Variants in LLGL2 observed in about 807,000 individuals in gnomAD.
LLGL2 encodes LLGL scribble cell polarity complex component 2.
A neutral mutation model predicts 123.2 loss-of-function variants in LLGL2; 81 were observed. The observed-to-expected ratio is 0.66, with a 90% confidence interval of 0.55 to 0.79. The LOEUF (loss-of-function observed/expected upper bound fraction) is 0.79, where lower values mean the gene tolerates loss of function less well. Ranked by LOEUF, LLGL2 falls within the 30% of genes least tolerant of loss-of-function variation. LLGL2 has a pLI of 0.00. For synonymous variants in LLGL2, 577 were observed against 594.1 expected, an observed-to-expected ratio of 0.97 and a Z score of 0.42; for missense variants, 1,273 against 1,414.6, an observed-to-expected ratio of 0.90 and a Z score of 1.61.
intron 6 of LLGL2, among the ~76,000 whole-genome samples, chr17:75,561,724 C>T (rs371950118): frequency 6.6e-6 from 1 of 152,102 alleles, no homozygotes; most frequent in Non-Finnish European, 1.5e-5. Flanking sequence ...AGTTCGAGAC[C>T]AGCTTGGGCA....
At chr17:75,571,469 T>A in intron 17 of LLGL2, 198 bp from the exon 18 acceptor site, 1 of 595,784 alleles carries the variant, frequency 1.7e-6, no homozygotes, top group East Asian at 2.8e-5. Context: ...TGTCTCTCCC[T>A]GGCTGGTTCT....
intron 1 of LLGL2, among the ~76,000 whole-genome samples, chr17:75,537,182 T>A (rs1568021815): frequency 6.6e-6 from 1 of 152,096 alleles, no homozygotes; most frequent in African/African-American, 2.4e-5. Flanking sequence ...ACTTCACCCA[T>A]CCCCTGTTGT....
chr17:75,530,353 A>G (rs530635631), intron 1 of LLGL2, among the ~76,000 whole-genome samples: 1 of 152,226 alleles, frequency 6.6e-6, no homozygotes, highest in South Asian at 2.1e-4. Context: ...TTTTTTTAAA[A>G]AATTAGCTGG....
Position 75,552,136 on chromosome 17 carries a change from A to C in LLGL2, c.76-3910A>C, listed in dbSNP as rs149855459. On this transcript the variant is annotated intron_variant, in intron 2 of 25. Coordinates refer to ENST00000392550, the MANE Select transcript of LLGL2 (RefSeq NM_001031803.2). ...GAGGGAGACTCTGTCTTTAAAAAAA[A>C]AGTCTAGAAGCTGCATTATGAAATT... Among the ~76,000 whole-genome samples the C allele has an allele frequency of 3.7e-3, 559 of 151,406 alleles. 5 individuals are homozygous for C. The highest frequency in any genetic ancestry group is 0.013 in the African/African-American group (522 of 41,376).
intron 10 of LLGL2, 89 bp from the exon 11 acceptor site, chr17:75,568,387 G>A (rs1320287961): frequency 1.5e-5 from 22 of 1,499,012 alleles, no homozygotes; most frequent in Non-Finnish European, 1.9e-5. Flanking sequence ...ATCTGCAGAT[G>A]CCCTGGCTCC....
chr17:75,532,397 C>T (rs1313269557), intron 1 of LLGL2: 1 of 151,816 alleles, frequency 6.6e-6, no homozygotes, highest in African/African-American at 2.4e-5. Flanking sequence ...ATTACAGGCG[C>T]CCGCCACCAC....
At chr17:75,536,777 C>G (rs1216749491) in intron 1 of LLGL2, among the ~76,000 whole-genome samples, 2 of 152,184 alleles carry the variant, frequency 1.3e-5, no homozygotes, top group African/African-American at 4.8e-5. Context: ...CTCTTGGATT[C>G]TTTGTACATA....
intron 1 of LLGL2, among the ~76,000 whole-genome samples, chr17:75,529,140 A>G (rs1168629017): frequency 3.3e-5 from 1 of 30,748 alleles, no homozygotes; most frequent in African/African-American, 4.5e-4. Context: ...TGGGCAATAG[A>G]GTGAGACTGT....
rs1200740705 is a variant in LLGL2 at position 75,574,253 on chromosome 17, T to C, written c.2946T>C (p.Ser982=). The C allele has an allele frequency of 6.7e-7, 1 of 1,502,352 alleles. No homozygotes were observed. The highest frequency in any genetic ancestry group is 2.3e-5 in the Admixed American group (1 of 43,576). The allele number at this position is 1,502,352 out of a possible 1,614,324, so 93.1% of individuals were successfully genotyped here. A position where few individuals can be genotyped will look rare whatever the true frequency, so the allele number is the denominator to read the frequency against. The change falls in exon 23 of 26, where the codon AGT becomes AGC. Residue 982 remains serine, a synonymous_variant. Transcript: ENST00000392550. ...TGGTGATGGAGCGCGCTCTGCTCAG[T>C]GATGAGAGTGAGTTGGGTGGGAGAG... ...PGLVMERALL[S]DERVLKEIQS...
intron 14 of LLGL2, among the ~76,000 whole-genome samples, chr17:75,569,552 C>T (rs948216648): frequency 6.6e-6 from 1 of 152,180 alleles, no homozygotes; most frequent in East Asian, 1.9e-4. Flanking sequence ...CCTGTAATCC[C>T]AGCACTTTGG....
intron 2 of LLGL2, chr17:75,546,319 C>T (rs1269740095): frequency 1.3e-5 from 2 of 152,720 alleles, no homozygotes; most frequent in Non-Finnish European, 2.9e-5. Flanking sequence ...GCAGCTTGCC[C>T]AGAGGTGAGT....
At chr17:75,528,662 TG>T (rs2053662926) in intron 1 of LLGL2, among the ~76,000 whole-genome samples, 1 of 147,842 alleles carries the variant, frequency 6.8e-6, no homozygotes, top group African/African-American at 2.5e-5. Flanking sequence ...CGCTTGAACC[TG>T]GGAGGTGGAG....
chr17:75,568,952 G>T (rs759549730), intron 12 of LLGL2, 26 bp from the exon 13 acceptor site: 5 of 1,601,064 alleles, frequency 3.1e-6, no homozygotes, highest in East Asian at 4.5e-5. Context: ...TCCCTCTCAC[G>T]CCTGGCAGGT....
intron 2 of LLGL2, among the ~76,000 whole-genome samples, chr17:75,553,903 A>G (rs962765748): frequency 3.9e-5 from 6 of 152,202 alleles, no homozygotes; most frequent in South Asian, 4.1e-4. Flanking sequence ...TGCCATCGAC[A>G]TGGTTGTTGG....
At position 75,559,438 on chromosome 17, in the gene LLGL2, C is replaced by A. The variant is rs1258103993; in HGVS notation, c.530+28C>A. Reference sequence around the variant, plus strand: ...GAGCCCAGAGCCCAGCTGCTGTTAACTCCATCCCCTCAAGTTAGGCATGGC... The same window carrying A: ...GAGCCCAGAGCCCAGCTGCTGTTAAATCCATCCCCTCAAGTTAGGCATGGC... On this transcript the variant is annotated intron_variant, in intron 6 of 25. Coordinates refer to ENST00000392550, the MANE Select transcript of LLGL2 (RefSeq NM_001031803.2). This position sits in a 1 kb window ranked among gnomAD's most constrained non-coding sequence, Gnocchi z 4.6. 6.4e-7 allele frequency: 1 copy of A among 1,572,030 alleles called. No homozygotes were observed.
At chr17:75,529,810 G>A (rs773312603) in intron 1 of LLGL2, among the ~76,000 whole-genome samples, 163 of 152,004 alleles carry the variant, frequency 1.1e-3, no homozygotes, top group Non-Finnish European at 1.9e-3. Flanking sequence ...GCAGTGAGCC[G>A]AGATCGCGCC....
intron 10 of LLGL2, 156 bp from the exon 11 acceptor site, chr17:75,568,320 C>T: frequency 6.9e-7 from 1 of 1,440,836 alleles, no homozygotes; most frequent in Non-Finnish European, 9.1e-7. Context: ...CCCACACCTG[C>T]TGCCCTCCTG....
At chr17:75,569,468 C>T (rs755823239) in intron 14 of LLGL2, 143 bp downstream of exon 14, 14 of 703,460 alleles carry the variant, frequency 2.0e-5, no homozygotes, top group South Asian at 1.6e-4. Context: ...ATCCCCTTGG[C>T]GGGAGGTCCC....
At chr17:75,527,775 CT>C (rs138872671) in intron 1 of LLGL2, among the ~76,000 whole-genome samples, 32,927 of 147,162 alleles carry the variant, frequency 0.22, 3,913 homozygotes, top group African/African-American at 0.3. Context: ...CTGTTAGTAA[CT>C]TTTTTTTTTT....
Sources: allele counts gnomAD v4.1 joint callset (sites outside exome capture counted in the v4.1 genomes callset), GRCh38; gene constraint gnomAD v4.1.1; non-coding constraint Gnocchi (gnomAD v3.1); transcripts MANE v1.5; gene names NCBI Gene and HGNC (gene_info 2026-07-23, HGNC 2026-07-21).